The following CCDC80 variants were observed in gnomAD, a reference collection of about 807,000 sequenced individuals.
CCDC80 encodes coiled-coil domain-containing protein 80.
Under a neutral mutation model 78.7 loss-of-function variants are expected in CCDC80, and 49 were observed. That is an observed-to-expected ratio of 0.62 (90% CI 0.50 to 0.79). The LOEUF is 0.79. Ranked by LOEUF, CCDC80 falls within the 30% of genes least tolerant of loss-of-function variation. The probability of loss-of-function intolerance (pLI) is 0.00; values close to 1 mark genes in which losing one functional copy is unlikely to be tolerated. For missense variants in CCDC80, 1,205 were observed against 1,198.6 expected (o/e 1.01, Z -0.08); for synonymous variants, 488 against 447.0 (o/e 1.09, Z -1.16).
Position 112,630,206 on chromosome 3 carries a change from T to G in CCDC80, c.1942A>C (p.Ser648Arg), listed in dbSNP as rs763892913. 22 of 1,613,828 alleles carry G rather than the reference T, an allele frequency of 1.4e-5. No homozygotes were observed. The Middle Eastern group carries it at 4.9e-4, about 36-fold the overall frequency. ...YVQQRDEYLE[S>R]FCKMATRKIS... ...TTCCTGGTAGCCATCTTGCAGAAACTTTCCAGATATTCATCACGTTGTTGC... is the reference window on the plus strand; with the variant it reads ...TTCCTGGTAGCCATCTTGCAGAAACGTTCCAGATATTCATCACGTTGTTGC... The change falls in exon 3 of 8, where the codon AGT (serine) becomes CGT (arginine). Residue 648 changes from serine (S) to arginine (R), a missense_variant. Ser to Arg is a moderately radical substitution (Grantham distance 110). Coordinates refer to ENST00000206423, the MANE Select transcript of CCDC80 (RefSeq NM_199511.3).
At chr3:112,628,788 G>T (rs1276652497) in intron 3 of CCDC80, among the ~76,000 whole-genome samples, 1 of 152,086 alleles carries the variant, frequency 6.6e-6, no homozygotes, top group East Asian at 1.9e-4. Flanking sequence ...AATAATTTAT[G>T]ATGGGACATT....
At chr3:112,616,880 G>T in intron 4 of CCDC80, 22 bp from the exon 5 acceptor site, 1 of 1,610,116 alleles carries the variant, frequency 6.2e-7, no homozygotes, top group Non-Finnish European at 8.5e-7. Context: ...AAAACAGAAT[G>T]CATTTAATGT....
intron 5 of CCDC80, among the ~76,000 whole-genome samples, chr3:112,613,965 A>G (rs1319672701): frequency 6.6e-6 from 1 of 152,106 alleles, no homozygotes; most frequent in Non-Finnish European, 1.5e-5. Flanking sequence ...TGAAACTACA[A>G]ATTAGAATGT....
chr3:112,618,253 G>A (rs1303648011), intron 4 of CCDC80, among the ~76,000 whole-genome samples: 2 of 152,204 alleles, frequency 1.3e-5, no homozygotes, highest in African/African-American at 4.8e-5. Flanking sequence ...GGGCGTGGTG[G>A]CTCACGCCTG....
intron 7 of CCDC80, among the ~76,000 whole-genome samples, chr3:112,606,079 T>C (rs1935481809): frequency 6.6e-6 from 1 of 152,256 alleles, no homozygotes; most frequent in South Asian, 2.1e-4. Context: ...TAACAAGGAT[T>C]ATATAGTTTA....
At chr3:112,630,316 T>G (rs778173485) in intron 2 of CCDC80, 47 bp from the exon 3 acceptor site, 9 of 1,584,824 alleles carry the variant, frequency 5.7e-6, no homozygotes, top group Non-Finnish European at 7.8e-6. Flanking sequence ...AGTGATAGTT[T>G]CACACTGAAG....
chr3:112,640,065 G>A, intron 1 of CCDC80, 149 bp from the exon 2 acceptor site: 1 of 1,366,706 alleles, frequency 7.3e-7, no homozygotes, highest in East Asian at 2.5e-5. Context: ...AGGGAGGTCA[G>A]GAGATGGAAA....
At chr3:112,631,088 T>C (rs2107491296) in intron 2 of CCDC80, among the ~76,000 whole-genome samples, 1 of 152,146 alleles carries the variant, frequency 6.6e-6, no homozygotes, top group East Asian at 1.9e-4. Context: ...AAATGTAATT[T>C]ATTTTGGATA....
Position 112,601,267 on chromosome 3 carries a change from A to T in CCDC80, c.*4150T>A, listed in dbSNP as rs1399439058. ...GATATAAAGAAAAATCTGAACATAC[A>T]GTAGGCACAGATAAACCTATAGCAA... On this transcript the variant is annotated 3_prime_UTR_variant, in exon 8 of 8. Coordinates refer to ENST00000206423, the MANE Select transcript of CCDC80 (RefSeq NM_199511.3). 6.6e-6 allele frequency: 1 copy of T among 152,232 alleles called. No individual in the cohort carries two copies. The highest frequency in any genetic ancestry group is 1.5e-5 in the Non-Finnish European group (1 of 68,042). 9.4% of individuals were successfully genotyped at this position (152,232 alleles called of 1,614,324 possible). A position where few individuals can be genotyped will look rare whatever the true frequency, so the allele number is the denominator to read the frequency against.
At position 112,639,902 on chromosome 3, in the gene CCDC80, T is replaced by G; in HGVS notation, c.4A>C (p.Thr2Pro). M[T>P]WRMGPRFTML... ...GTGAAACGGGGTCCCATTCTCCATG[T>G]CATTGTGTAATCCACTTTGCGATGC... is the stretch of plus-strand genomic sequence containing the variant. The change falls in exon 2 of 8, where the codon ACA becomes CCA. Residue 2 changes from threonine (T) to proline (P), a missense_variant. By Grantham distance (38) the Thr-to-Pro change is conservative. Transcript: ENST00000206423. 1 of 1,613,412 alleles carries G rather than the reference T, an allele frequency of 6.2e-7. No homozygotes were observed. Among genetic ancestry groups the G allele is most frequent in the Non-Finnish European group, 8.5e-7 (1 of 1,179,540 alleles).
rs11379147 is a variant in CCDC80 at position 112,610,915 on chromosome 3, C to CTTT, written c.2322-837_2322-835dup. On this transcript the variant is annotated intron_variant, in intron 5 of 7. Transcript: ENST00000206423. ...CTTATTTCTTTTCTTTTCTTTCTTT[C>CTTT]TTTTTTTTTTTTTTTTTGAGACAGA... 2.4e-3 allele frequency among the ~76,000 whole-genome samples: 299 copies of CTTT among 123,274 alleles called. 4 individuals carry two copies. Among genetic ancestry groups the CTTT allele is most frequent in the Middle Eastern group, 4.1e-3 (1 of 244 alleles). The allele number at this position is 123,274 out of a possible 152,430, so 80.9% of individuals were successfully genotyped here.
Position 112,605,194 on chromosome 3 carries a change from A to G in CCDC80, c.*223T>C. 2.3e-6 allele frequency: 1 copy of G among 439,024 alleles called. No individual in the cohort carries two copies. Among genetic ancestry groups the G allele is most frequent in the Non-Finnish European group, 4.0e-6 (1 of 250,750 alleles). The allele number at this position is 439,024 out of a possible 1,614,324, so 27.2% of individuals were successfully genotyped here. A position where few individuals can be genotyped will look rare whatever the true frequency, so the allele number is the denominator to read the frequency against. On this transcript the variant is annotated 3_prime_UTR_variant, in exon 8 of 8. Coordinates refer to ENST00000206423, the MANE Select transcript of CCDC80 (RefSeq NM_199511.3). ...TTTCAGTACTATTATTTAGCACTAG[A>G]GCCCCTCCAGTTAGAAAAACAATTC...
chr3:112,621,589 A>C (rs9860675), intron 3 of CCDC80, among the ~76,000 whole-genome samples: 151,391 of 152,334 alleles, frequency 0.99, 75,236 homozygotes, highest in Middle Eastern at 1. Flanking sequence ...TGGCAATAGA[A>C]AACTGAATAT....
Position 112,607,247 on chromosome 3 carries a change from T to A in CCDC80, c.2435A>T (p.His812Leu). The A allele has an allele frequency of 6.2e-7, 1 of 1,613,860 alleles. No individual in the cohort carries two copies. The highest frequency in any genetic ancestry group is 1.1e-5 in the South Asian group (1 of 91,040). ...GCCTAAAAGCTTCAGAATGGTTATGTGGCGCAGACCTGAGAGAAAAAAGAA... is the reference window on the plus strand; with the variant it reads ...GCCTAAAAGCTTCAGAATGGTTATGAGGCGCAGACCTGAGAGAAAAAAGAA... ...SGQACNFGLR[H>L]ITILKLLGVG... Residue 812 changes from histidine (H) to leucine (L), a missense_variant, in exon 7 of 8, where the codon CAC (histidine) becomes CTC (leucine). His to Leu is a moderately conservative substitution (Grantham distance 99). Transcript: ENST00000206423.
Position 112,605,836 on chromosome 3 carries a change from G to T in CCDC80, c.2507-73C>A. 3 of 1,263,814 alleles carry T rather than the reference G, an allele frequency of 2.4e-6. No individual in the cohort carries two copies. In the South Asian group the frequency reaches 4.4e-5, roughly 18 times the overall value. 78.3% of individuals were successfully genotyped at this position (1,263,814 alleles called of 1,614,324 possible). On this transcript the variant is annotated intron_variant, in intron 7 of 7. Transcript: ENST00000206423. ...GCCCATGAAAACATTAAAGTGTGAGGAAATTACTGTGAGAATAGGGAGGAC... is the reference window on the plus strand; with the variant it reads ...GCCCATGAAAACATTAAAGTGTGAGTAAATTACTGTGAGAATAGGGAGGAC...
chr3:112,599,367 T>C lies in CCDC80; in HGVS notation c.*6050A>G, dbSNP rs1281330703. ...TCTGGCATCGGGAGCTTTACACAAC[T>C]CAGAGAGAACTGAGGAAAGTAGTTA... On this transcript the variant is annotated 3_prime_UTR_variant, in exon 8 of 8. Transcript: ENST00000206423. 1.3e-5 allele frequency: 2 copies of C among 152,114 alleles called. No homozygotes were observed. Among genetic ancestry groups the C allele is most frequent in the South Asian group, 2.1e-4 (1 of 4,822 alleles). 9.4% of individuals were successfully genotyped at this position (152,114 alleles called of 1,614,324 possible). A position where few individuals can be genotyped will look rare whatever the true frequency, so the allele number is the denominator to read the frequency against.
At chr3:112,624,423 T>C (rs1379062943) in intron 3 of CCDC80, among the ~76,000 whole-genome samples, 1 of 152,138 alleles carries the variant, frequency 6.6e-6, no homozygotes, top group East Asian at 1.9e-4. Flanking sequence ...TTGCCAGGAG[T>C]GCTGAGCAGT....
chr3:112,599,696 G>C lies in CCDC80; in HGVS notation c.*5721C>G, dbSNP rs1935342002. On this transcript the variant is annotated 3_prime_UTR_variant, in exon 8 of 8. Coordinates refer to ENST00000206423, the MANE Select transcript of CCDC80 (RefSeq NM_199511.3). ...TCCATCCTCCAGGCTTCTAGAAGTTGAGAAAGTATGAGCTTCATTGTTAAT... is the reference window on the plus strand; with the variant it reads ...TCCATCCTCCAGGCTTCTAGAAGTTCAGAAAGTATGAGCTTCATTGTTAAT... The C allele has an allele frequency of 6.6e-6, 1 of 152,288 alleles. No homozygotes were observed. Among genetic ancestry groups the C allele is most frequent in the East Asian group, 1.9e-4 (1 of 5,202 alleles). The allele number at this position is 152,288 out of a possible 1,614,324, so 9.4% of individuals were successfully genotyped here.
Position 112,630,162 on chromosome 3 carries a change from G to T in CCDC80, c.1986C>A (p.Ile662=). Residue 662 remains isoleucine, a synonymous_variant, in exon 3 of 8, where the codon ATC becomes ATA. Coordinates refer to ENST00000206423, the MANE Select transcript of CCDC80 (RefSeq NM_199511.3). ...MATRKISVIT[I]FGPVNNSTMK... Reference sequence around the variant, plus strand: ...TGGTGCTGTTGTTGACAGGGCCGAAGATGGTGATCACAGAGATTTTCCTGG... The same window carrying T: ...TGGTGCTGTTGTTGACAGGGCCGAATATGGTGATCACAGAGATTTTCCTGG... 2 of 1,613,976 alleles carry T rather than the reference G, an allele frequency of 1.2e-6. No homozygotes were observed. Among genetic ancestry groups the T allele is most frequent in the Non-Finnish European group, 1.7e-6 (2 of 1,179,864 alleles).
Sources: allele counts gnomAD v4.1 joint callset (sites outside exome capture counted in the v4.1 genomes callset), GRCh38; gene constraint gnomAD v4.1.1; transcripts MANE v1.5; gene names NCBI Gene and HGNC (gene_info 2026-07-23, HGNC 2026-07-21).